The following B4GALNT3 variants were observed in gnomAD, a reference collection of about 807,000 sequenced individuals.
B4GALNT3 encodes beta-1,4-N-acetyl-galactosaminyltransferase 3.
A neutral mutation model predicts 120.2 loss-of-function variants in B4GALNT3; 86 were observed. That is an observed-to-expected ratio of 0.72 (90% confidence interval 0.60 to 0.86). The LOEUF (loss-of-function observed/expected upper bound fraction) is 0.86. Ranked by LOEUF, B4GALNT3 falls within the 40% of genes least tolerant of loss-of-function variation. B4GALNT3 has a pLI of 0.00. For missense variants in B4GALNT3, 1,167 were observed against 1,298.9 expected, an observed-to-expected ratio of 0.90 and a Z score of 1.56; for synonymous variants, 518 against 510.4, an observed-to-expected ratio of 1.01 and a Z score of -0.20.
chr12:511,437 A>C (rs1206002816), intron 1 of B4GALNT3, among the ~76,000 whole-genome samples: 1 of 32,854 alleles, frequency 3.0e-5, no homozygotes, highest in Admixed American at 4.7e-4. Context: ...ACCTTCTTCC[A>C]CCTTCCACCT....
rs1253293883 is a variant in B4GALNT3, at chr12:511,784, A to ACCTT, written c.170-23379_170-23376dup. On this transcript the variant is annotated intron_variant, in intron 1 of 19. Transcript: ENST00000266383. The stretch of plus-strand genomic sequence containing the variant: ...CACCTTCCACCTTCCACCTTCTTCC[A>ACCTT]CCTTCCACCTTCCACCTTCTTCCAC... Among the ~76,000 whole-genome samples the ACCTT allele has an allele frequency of 6.6e-5, 3 of 45,272 alleles. 1 individual carries two copies. Among genetic ancestry groups the ACCTT allele is most frequent in the African/African-American group, 2.9e-4 (3 of 10,280 alleles). The allele number at this position is 45,272 out of a possible 152,430, so 29.7% of individuals were successfully genotyped here.
Position 494,091 on chromosome 12 carries a change from G to T in B4GALNT3, c.169+33546G>T, listed in dbSNP as rs183640105. On this transcript the variant is annotated intron_variant, in intron 1 of 19. Coordinates refer to ENST00000266383, the MANE Select transcript of B4GALNT3 (RefSeq NM_173593.4). Reference sequence around the variant, plus strand: ...TTGAGACCAGCCTGGGCAACATGGTGAAACCCCATCTCTACAAAAAATACA... The same window carrying T: ...TTGAGACCAGCCTGGGCAACATGGTTAAACCCCATCTCTACAAAAAATACA... Among the ~76,000 whole-genome samples, 16 of 152,148 alleles carry T rather than the reference G, an allele frequency of 1.1e-4. No homozygotes were observed. The East Asian group carries it at 3.1e-3, about 29-fold the overall frequency.
chr12:505,146 C>G (rs7980725), intron 1 of B4GALNT3, among the ~76,000 whole-genome samples: 105,756 of 151,630 alleles, frequency 0.7, 37,437 homozygotes, highest in African/African-American at 0.81. Context: ...CCTGCCTTGG[C>G]CTCCCAACGT....
Position 556,605 on chromosome 12 carries a change from G to T in B4GALNT3, c.2119G>T (p.Gly707Cys). Residue 707 changes from glycine (G) to cysteine (C), a missense_variant, in exon 15 of 20, where the codon GGT becomes TGT. Physicochemically the swap from Gly to Cys is radical, Grantham distance 159 (BLOSUM62 -3). Coordinates refer to ENST00000266383, the MANE Select transcript of B4GALNT3 (RefSeq NM_173593.4). Reference sequence around the variant, plus strand: ...AAAGCGTCAGGACCAGCTACGTGGGGGTCGCTACCTCCTGGAGCTTGAACT... The same window carrying T: ...AAAGCGTCAGGACCAGCTACGTGGGTGTCGCTACCTCCTGGAGCTTGAACT... ...VEKRQDQLRG[G>C]RYLLELELLE... The T allele has an allele frequency of 1.9e-6, 3 of 1,614,064 alleles. No individual in the cohort carries two copies. The South Asian group carries it at 3.3e-5, about 18-fold the overall frequency.
chr12:537,308 A>G (rs749376228), intron 3 of B4GALNT3, among the ~76,000 whole-genome samples: 2 of 152,196 alleles, frequency 1.3e-5, no homozygotes, highest in South Asian at 2.1e-4. Context: ...TTTTAGAGAC[A>G]GGGTCTTGCT....
chr12:561,034 G>T (rs1417607716), intron 19 of B4GALNT3, among the ~76,000 whole-genome samples: 1 of 152,244 alleles, frequency 6.6e-6, no homozygotes, highest in Non-Finnish European at 1.5e-5. Flanking sequence ...CACCTCTGAT[G>T]TGTATATAGT....
chr12:552,838 G>A lies in B4GALNT3; in HGVS notation c.1270+310G>A, dbSNP rs1592056521. The A allele has an allele frequency of 1.4e-4, 71 of 500,666 alleles. No individual in the cohort carries two copies. The East Asian group carries it at 2.4e-3, about 17-fold the overall frequency. The allele number at this position is 500,666 out of a possible 1,614,324, so 31.0% of individuals were successfully genotyped here. On this transcript the variant is annotated intron_variant, in intron 13 of 19. Coordinates refer to ENST00000266383, the MANE Select transcript of B4GALNT3 (RefSeq NM_173593.4). ...CTGGCGCACCATTTGGGAGGTTCTG[G>A]TTTAGAGAAGCACTGTCTTCTGGGG...
At chr12:525,740 C>T (rs574299911) in intron 1 of B4GALNT3, among the ~76,000 whole-genome samples, 2 of 152,330 alleles carry the variant, frequency 1.3e-5, no homozygotes, top group African/African-American at 2.4e-5. Context: ...CTACGGGGCT[C>T]CTGTCCCACT....
intron 1 of B4GALNT3, among the ~76,000 whole-genome samples, chr12:499,058 G>A (rs1429276715): frequency 6.6e-6 from 1 of 152,158 alleles, no homozygotes; most frequent in Non-Finnish European, 1.5e-5. Context: ...TCTAGAGCAG[G>A]GCCCAGAGCC....
chr12:552,011 T>C, intron 11 of B4GALNT3, 52 bp from the exon 12 acceptor site: 1 of 1,409,578 alleles, frequency 7.1e-7, no homozygotes, highest in Non-Finnish European at 1.0e-6. Context: ...CTGGCTGATT[T>C]CTTACCAAGA....
chr12:493,597 T>G (rs1340595956), intron 1 of B4GALNT3, among the ~76,000 whole-genome samples: 1 of 147,034 alleles, frequency 6.8e-6, no homozygotes, highest in Non-Finnish European at 1.5e-5. Flanking sequence ...TAATGGTTTT[T>G]TTTTTTTTTT....
At chr12:494,927 C>A (rs1015015136) in intron 1 of B4GALNT3, among the ~76,000 whole-genome samples, 1 of 152,156 alleles carries the variant, frequency 6.6e-6, no homozygotes, top group Non-Finnish European at 1.5e-5. Flanking sequence ...TGTGAAAAGC[C>A]TCTACCCCTT....
chr12:487,938 A>G (rs1336488998), intron 1 of B4GALNT3, among the ~76,000 whole-genome samples: 1 of 152,170 alleles, frequency 6.6e-6, no homozygotes, highest in African/African-American at 2.4e-5. Context: ...GCAACAGAGC[A>G]AGGCCCTGTC....
intron 9 of B4GALNT3, among the ~76,000 whole-genome samples, chr12:549,395 T>A (rs1947048244): frequency 6.6e-6 from 1 of 152,212 alleles, no homozygotes; most frequent in Non-Finnish European, 1.5e-5. Flanking sequence ...ATTAGAAGGG[T>A]TCATATTTGG....
rs776539129 is a variant in B4GALNT3 at position 544,338 on chromosome 12, G to C, written c.352-1G>C. 8 of 1,613,270 alleles carry C rather than the reference G, an allele frequency of 5.0e-6. No individual in the cohort carries two copies. In the African/African-American group the frequency reaches 6.7e-5, roughly 13 times the overall value. ...TCACCACTGGCGTCTCCGCCCTGCA[G>C]TTCCGGGGCCGTGCCAACCTGCATG... On this transcript the variant is annotated splice_acceptor_variant, in intron 3 of 19. Coordinates refer to ENST00000266383, the MANE Select transcript of B4GALNT3 (RefSeq NM_173593.4). LOFTEE classifies it high-confidence loss of function.
intron 1 of B4GALNT3, among the ~76,000 whole-genome samples, chr12:512,410 A>G (rs1360135184): frequency 1.8e-4 from 15 of 82,140 alleles, no homozygotes; most frequent in South Asian, 4.5e-4. Context: ...TTGACCTTCC[A>G]CCTTCCGCCT....
intron 12 of B4GALNT3, 148 bp downstream of exon 12, chr12:552,311 A>G (rs1947093041): frequency 3.8e-6 from 3 of 782,124 alleles, no homozygotes; most frequent in Admixed American, 4.2e-5. Context: ...ACACACACAC[A>G]CACACACACA....
intron 1 of B4GALNT3, among the ~76,000 whole-genome samples, chr12:523,221 C>G (rs893860722): frequency 6.6e-6 from 1 of 152,242 alleles, no homozygotes; most frequent in Non-Finnish European, 1.5e-5. Context: ...TCGTGACCAG[C>G]AGATGCCTAA....
At chr12:533,401 T>G (rs1946826961) in intron 1 of B4GALNT3, among the ~76,000 whole-genome samples, 1 of 152,162 alleles carries the variant, frequency 6.6e-6, no homozygotes, top group African/African-American at 2.4e-5. Flanking sequence ...TGGGCCAGCC[T>G]GGAAACAGGA....
Sources: allele counts gnomAD v4.1 joint callset (sites outside exome capture counted in the v4.1 genomes callset), GRCh38; gene constraint gnomAD v4.1.1; transcripts MANE v1.5; gene names NCBI Gene and HGNC (gene_info 2026-07-23, HGNC 2026-07-21).